Variants in EXD3 observed in about 807,000 individuals in gnomAD.
EXD3 encodes exonuclease mut-7 homolog.
EXD3 carries 92 observed loss-of-function variants against 98.0 expected under a neutral mutation model. The observed-to-expected ratio is 0.94, with a 90% CI of 0.79 to 1.12. The LOEUF (loss-of-function observed/expected upper bound fraction) is 1.12. EXD3 is among the 50% of genes most tolerant of loss of function. EXD3 has a pLI of 0.00. For missense variants in EXD3, 1,222 were observed against 1,191.6 expected, an observed-to-expected ratio of 1.03 and a Z score of -0.38; for synonymous variants, 569 against 526.0, an observed-to-expected ratio of 1.08 and a Z score of -1.12.
intron 7 of EXD3, among the ~76,000 whole-genome samples, chr9:137,361,679 G>C (rs1200842346): frequency 2.0e-5 from 3 of 150,866 alleles, no homozygotes; most frequent in African/African-American, 7.3e-5. Flanking sequence ...CCGGGAGGCG[G>C]AGGTTGCAGT....
Position 137,364,727 on chromosome 9 carries a change from C to A in EXD3, c.656+1766G>T, listed in dbSNP as rs191476233. ...TATTTCTTTTCTTCGCAATGAGACC[C>A]CTGGTTCCCACCTCCATCAATGCAT... On this transcript the variant is annotated intron_variant, in intron 7 of 21. Transcript: ENST00000340951. 3.5e-3 allele frequency among the ~76,000 whole-genome samples: 526 copies of A among 151,700 alleles called. 1 individual carries two copies. Among genetic ancestry groups the A allele is most frequent in the Non-Finnish European group, 6.0e-3 (410 of 67,950 alleles).
rs565780992 is a variant in EXD3 at position 137,368,888 on chromosome 9, C to T, written c.463-899G>A. 6.9e-3 allele frequency among the ~76,000 whole-genome samples: 933 copies of T among 134,772 alleles called. 5 individuals carry two copies. The highest frequency in any genetic ancestry group is 0.011 in the Non-Finnish European group (664 of 62,902). 88.4% of individuals were successfully genotyped at this position (134,772 alleles called of 152,430 possible). Reference sequence around the variant, plus strand: ...AGGGCCGTGGGGAGGGGCGAAGGTCCGGGGCGGGGCCCCAGGGCTGTGGGC... The same window carrying T: ...AGGGCCGTGGGGAGGGGCGAAGGTCTGGGGCGGGGCCCCAGGGCTGTGGGC... On this transcript the variant is annotated intron_variant, in intron 5 of 21. Transcript: ENST00000340951.
At position 137,407,618 on chromosome 9, in the gene EXD3, A is replaced by T. The variant is rs1837791397; in HGVS notation, c.-47-12214T>A. Among the ~76,000 whole-genome samples, 1 of 152,096 alleles carries T rather than the reference A, an allele frequency of 6.6e-6. No homozygotes were observed. Among genetic ancestry groups the T allele is most frequent in the Non-Finnish European group, 1.5e-5 (1 of 67,996 alleles). On this transcript the variant is annotated intron_variant, in intron 1 of 21. Coordinates refer to ENST00000340951, the MANE Select transcript of EXD3 (RefSeq NM_017820.5). This position sits in a 1 kb window ranked among gnomAD's most constrained non-coding sequence, Gnocchi z 4.4. The stretch of plus-strand genomic sequence containing the variant: ...GGGTCCCTGACAGGGAAGGATGGAG[A>T]CGCAGCTCCAGACCCCAGAGTGCGG...
chr9:137,350,943 A>G (rs1486763122), intron 14 of EXD3, 95 bp downstream of exon 14: 4 of 970,946 alleles, frequency 4.1e-6, no homozygotes, highest in Non-Finnish European at 6.2e-6. Context: ...CGGCGGGAGA[A>G]GCCCAGGGCC....
In EXD3 at chr9:137,395,883, A is replaced by G. The variant is rs1837195156; in HGVS notation, c.-47-479T>C. 2.0e-5 allele frequency among the ~76,000 whole-genome samples: 3 copies of G among 151,958 alleles called. No homozygotes were observed. The highest frequency in any genetic ancestry group is 1.3e-4 in the Admixed American group (2 of 15,272). ...CGGCTGACCCAGTACGCAGCTCCGTAAGACTCCAGGCGGCCGCTGACAGCT... is the reference window on the plus strand; with the variant it reads ...CGGCTGACCCAGTACGCAGCTCCGTGAGACTCCAGGCGGCCGCTGACAGCT... On this transcript the variant is annotated intron_variant, in intron 1 of 21. Coordinates refer to ENST00000340951, the MANE Select transcript of EXD3 (RefSeq NM_017820.5). The surrounding 1 kb of genome is among the most constrained non-coding windows in gnomAD (Gnocchi z 6.5).
At chr9:137,351,192 C>A (rs115216154) in intron 13 of EXD3, 45 bp from the exon 14 acceptor site, 1 of 1,539,516 alleles carries the variant, frequency 6.5e-7, no homozygotes, top group African/African-American at 1.4e-5. Context: ...CAGGCAGGGA[C>A]CGCACTGTCC....
At chr9:137,411,677 C>T (rs1203572854) in intron 1 of EXD3, among the ~76,000 whole-genome samples, 6 of 126,370 alleles carry the variant, frequency 4.7e-5, no homozygotes, top group Admixed American at 8.4e-5. Context: ...GGAAAAGGAG[C>T]GGCAGGCGGA....
At chr9:137,390,946 C>A (rs1207452475) in intron 2 of EXD3, among the ~76,000 whole-genome samples, 1 of 152,244 alleles carries the variant, frequency 6.6e-6, no homozygotes, top group Admixed American at 6.5e-5. Context: ...CCACAAAGTG[C>A]CTGTGACCTC....
chr9:137,315,020 T>C (rs1831567575), intron 19 of EXD3, among the ~76,000 whole-genome samples: 1 of 152,162 alleles, frequency 6.6e-6, no homozygotes, highest in African/African-American at 2.4e-5. Context: ...CACAAGGACA[T>C]GTGGCCGCCC....
chr9:137,396,081 C>A (rs1170690951), intron 1 of EXD3, among the ~76,000 whole-genome samples: 1 of 151,968 alleles, frequency 6.6e-6, no homozygotes, highest in Admixed American at 6.6e-5. Context: ...GATTCTCCTG[C>A]CTCAGCCTCC....
At position 137,354,738 on chromosome 9, in the gene EXD3, C is replaced by T. The variant is rs1053446478; in HGVS notation, c.793G>A (p.Ala265Thr). The T allele has an allele frequency of 5.6e-6, 9 of 1,610,852 alleles. No homozygotes were observed. Among genetic ancestry groups the T allele is most frequent in the Admixed American group, 1.7e-5 (1 of 59,998 alleles). ...CPNAAIQQRL[A>T]ALRHLCHKRF... ...TTGTGGCACAGGTGCCGCAGGGCCG[C>T]CAGGCGCTGCTGAATGGCCGCGTTG... Residue 265 changes from alanine (A) to threonine (T), a missense_variant, in exon 9 of 22, where the codon GCG becomes ACG. Ala to Thr is a moderately conservative substitution (Grantham distance 58). Transcript: ENST00000340951.
At chr9:137,370,726 G>A (rs538069133) in intron 5 of EXD3, among the ~76,000 whole-genome samples, 3 of 151,172 alleles carry the variant, frequency 2.0e-5, no homozygotes, top group African/African-American at 4.9e-5. Context: ...GCCCAGGCTC[G>A]AAGGCCGAGG....
intron 1 of EXD3, among the ~76,000 whole-genome samples, chr9:137,404,991 T>G (rs954807165): frequency 6.6e-6 from 1 of 152,096 alleles, no homozygotes; most frequent in Non-Finnish European, 1.5e-5. Flanking sequence ...CCCTCCCAGG[T>G]GCTCGAGGGG....
intron 7 of EXD3, among the ~76,000 whole-genome samples, chr9:137,363,662 G>A (rs920589624): frequency 3.3e-5 from 5 of 152,030 alleles, no homozygotes; most frequent in African/African-American, 9.7e-5. Context: ...TTTCTTAAAT[G>A]TTTGAAAACT....
chr9:137,369,094 G>A (rs1175194416), intron 5 of EXD3, among the ~76,000 whole-genome samples: 2 of 144,828 alleles, frequency 1.4e-5, no homozygotes, highest in South Asian at 2.2e-4. Context: ...GGGGAGGGGC[G>A]CAGGGCCCGG....
intron 17 of EXD3, among the ~76,000 whole-genome samples, chr9:137,327,473 G>C (rs1034969908): frequency 2.0e-5 from 3 of 152,126 alleles, no homozygotes; most frequent in African/African-American, 7.2e-5. Context: ...CTGGAAAGGG[G>C]TGGTGGTGAT....
intron 17 of EXD3, among the ~76,000 whole-genome samples, chr9:137,336,489 C>T (rs1833357716): frequency 2.0e-5 from 3 of 151,342 alleles, no homozygotes; most frequent in African/African-American, 7.4e-5. Context: ...GGCGAAACCT[C>T]ATATCTACTA....
In EXD3 at chr9:137,356,266, A is replaced by C; in HGVS notation, c.757+2T>G. ...GGGCAGGAATGTGGGGGCTGGACTC[A>C]CCTGGGGCTACGCCGTACCGCTCCT... is the stretch of plus-strand genomic sequence containing the variant. On this transcript the variant is annotated splice_donor_variant, in intron 8 of 21. Coordinates refer to ENST00000340951, the MANE Select transcript of EXD3 (RefSeq NM_017820.5). LOFTEE classifies it high-confidence loss of function. The C allele has an allele frequency of 6.3e-7, 1 of 1,594,348 alleles. No homozygotes were observed. Among genetic ancestry groups the C allele is most frequent in the Non-Finnish European group, 8.5e-7 (1 of 1,171,788 alleles).
rs80074261 is a variant in EXD3 at position 137,383,342 on chromosome 9, T to A, written c.91A>T (p.Thr31Ser). Reference protein sequence around the residue: ...DPLLLLQALQTLWSTRERKQL... With the variant: ...DPLLLLQALQSLWSTRERKQL... ...TTCCGCTCCCGCGTGGACCACAGGG[T>A]CTGCAGGGCCTGCAGGAGCAGGAGG... is the stretch of plus-strand genomic sequence containing the variant. The change falls in exon 3 of 22, where the codon ACC becomes TCC. Residue 31 changes from threonine (T) to serine (S), a missense_variant. Coordinates refer to ENST00000340951, the MANE Select transcript of EXD3 (RefSeq NM_017820.5). The A allele has an allele frequency of 6.4e-7, 1 of 1,550,496 alleles. No individual in the cohort carries two copies. The highest frequency in any genetic ancestry group is 1.4e-5 in the African/African-American group (1 of 73,152).
Sources: allele counts gnomAD v4.1 joint callset (sites outside exome capture counted in the v4.1 genomes callset), GRCh38; gene constraint gnomAD v4.1.1; non-coding constraint Gnocchi (gnomAD v3.1); transcripts MANE v1.5; gene names NCBI Gene and HGNC (gene_info 2026-07-23, HGNC 2026-07-21).